PRELID2: variants seen among roughly 807,000 people sequenced by gnomAD.
PRELID2 encodes the protein PRELI domain containing 2, also known as PRELI domain-containing protein 2.
A neutral mutation model predicts 28.4 loss-of-function variants in PRELID2; 25 were observed. The observed-to-expected ratio is 0.88, with a 90% CI of 0.64 to 1.23. The LOEUF is 1.23. PRELID2 is among the 50% of genes most tolerant of loss of function. The pLI, the probability that PRELID2 is intolerant of heterozygous loss-of-function variation, is 0.00. For missense variants in PRELID2, 201 were observed against 214.4 expected, an observed-to-expected ratio of 0.94 and a Z score of 0.39; for synonymous variants, 76 against 71.6, an observed-to-expected ratio of 1.06 and a Z score of -0.31.
the PRELID2 span, among the ~76,000 whole-genome samples, chr5:145,267,402 G>T: frequency 2.0e-5 from 3 of 152,196 alleles, no homozygotes; most frequent in Admixed American, 2.0e-4. Context: ...TTGACACTCA[G>T]TATTAACCAT....
the PRELID2 span, among the ~76,000 whole-genome samples, chr5:145,283,770 G>T: frequency 2.0e-5 from 3 of 152,274 alleles, no homozygotes; most frequent in East Asian, 3.9e-4. Context: ...ATCTCTTAAT[G>T]TTTGGCCAGC....
chr5:145,416,622 C>A, the PRELID2 span, among the ~76,000 whole-genome samples: 2 of 152,028 alleles, frequency 1.3e-5, no homozygotes, highest in Non-Finnish European at 2.9e-5. Context: ...GACAATGTAC[C>A]TGAATCTCTG....
At chr5:145,406,255 G>A in the PRELID2 span, among the ~76,000 whole-genome samples, 2 of 152,070 alleles carry the variant, frequency 1.3e-5, no homozygotes, top group African/African-American at 4.8e-5. Context: ...TATAACAGGT[G>A]GTAGTTTTGC....
At chr5:145,813,946 C>G (rs1479025247) in intron 4 of PRELID2, among the ~76,000 whole-genome samples, 2 of 152,198 alleles carry the variant, frequency 1.3e-5, no homozygotes, top group Non-Finnish European at 2.9e-5. Flanking sequence ...TAGAGACTTT[C>G]ACCACAACAC....
At chr5:145,723,282 C>G (rs1165825021) in intron 1 of PRELID2, among the ~76,000 whole-genome samples, 2 of 152,128 alleles carry the variant, frequency 1.3e-5, no homozygotes, top group African/African-American at 4.8e-5. Context: ...CACCATGATT[C>G]TGTAGCCACA....
At chr5:145,706,280 G>C (rs190625826) in intron 1 of PRELID2, among the ~76,000 whole-genome samples, 19 of 152,198 alleles carry the variant, frequency 1.2e-4, no homozygotes, top group Admixed American at 8.5e-4. Flanking sequence ...GCACAAAGCA[G>C]GAATACTGTC....
At chr5:145,701,711 G>A (rs543374870) in intron 1 of PRELID2, among the ~76,000 whole-genome samples, 5 of 152,304 alleles carry the variant, frequency 3.3e-5, no homozygotes, top group Admixed American at 2.6e-4. Context: ...ATTTCAGCTT[G>A]TATCACTTGG....
At chr5:145,341,410 T>C in the PRELID2 span, among the ~76,000 whole-genome samples, 4 of 152,070 alleles carry the variant, frequency 2.6e-5, no homozygotes, top group African/African-American at 9.7e-5. Context: ...AGATAGATTT[T>C]TTTTCTGTAA....
intron 1 of PRELID2, among the ~76,000 whole-genome samples, chr5:145,651,143 C>T (rs766487244): frequency 5.3e-5 from 8 of 152,274 alleles, no homozygotes; most frequent in South Asian, 2.1e-4. Flanking sequence ...CCCACGCCCA[C>T]GGAGCCTCAT....
chr5:145,239,053 G>A, the PRELID2 span, among the ~76,000 whole-genome samples: 2 of 151,982 alleles, frequency 1.3e-5, no homozygotes, highest in African/African-American at 4.8e-5. Flanking sequence ...TTAAACATCT[G>A]AAGCATTTTT....
the PRELID2 span, among the ~76,000 whole-genome samples, chr5:145,286,859 GC>G: frequency 1.3e-5 from 2 of 151,828 alleles, no homozygotes; most frequent in Non-Finnish European, 2.9e-5. Flanking sequence ...ACAGGCATGT[GC>G]CACAGCACCC....
the PRELID2 span, among the ~76,000 whole-genome samples, chr5:145,257,658 A>G: frequency 4.8e-3 from 731 of 152,340 alleles, 7 homozygotes; most frequent in African/African-American, 0.017. Flanking sequence ...TAACATGCAA[A>G]TATTAAGCAT....
At chr5:145,413,840 G>A in the PRELID2 span, among the ~76,000 whole-genome samples, 7 of 151,814 alleles carry the variant, frequency 4.6e-5, no homozygotes, top group East Asian at 1.9e-4. Context: ...CCTAATGACC[G>A]GCAGTTCCCT....
At chr5:145,736,316 T>C (rs1756494846) in intron 1 of PRELID2, among the ~76,000 whole-genome samples, 1 of 152,206 alleles carries the variant, frequency 6.6e-6, no homozygotes. Flanking sequence ...TTTGTCAGCC[T>C]GTCTTATTTA....
intron 1 of PRELID2, among the ~76,000 whole-genome samples, chr5:145,623,679 C>T (rs995635324): frequency 7.9e-5 from 12 of 152,146 alleles, no homozygotes; most frequent in African/African-American, 2.9e-4. Flanking sequence ...ATATCCACAC[C>T]TTGTGGATCA....
chr5:145,655,412 G>A (rs540103138), intron 1 of PRELID2, among the ~76,000 whole-genome samples: 24 of 152,152 alleles, frequency 1.6e-4, no homozygotes, highest in Non-Finnish European at 2.8e-4. Flanking sequence ...TAAAGTTCAT[G>A]TGGAACCAAA....
At chr5:145,297,704 G>C in the PRELID2 span, among the ~76,000 whole-genome samples, 5 of 152,010 alleles carry the variant, frequency 3.3e-5, no homozygotes, top group Non-Finnish European at 5.9e-5. Flanking sequence ...TGACATGATT[G>C]TATATCTAGA....
chr5:145,284,978 G>A, the PRELID2 span, among the ~76,000 whole-genome samples: 4 of 152,128 alleles, frequency 2.6e-5, no homozygotes, highest in African/African-American at 7.2e-5. Flanking sequence ...CAGGCACTGT[G>A]ACATGCATTT....
the PRELID2 span, among the ~76,000 whole-genome samples, chr5:145,394,445 A>T: frequency 1.0e-5 from 1 of 95,780 alleles, no homozygotes; most frequent in Admixed American, 1.2e-4. Flanking sequence ...GGGTCGGGGG[A>T]GGGGGAGGGA....
Sources: gnomAD v4.1 joint callset for allele counts (sites outside exome capture counted in the v4.1 genomes callset) on GRCh38, gnomAD v4.1.1 for gene constraint, MANE v1.5 for transcripts, NCBI Gene and HGNC (gene_info 2026-07-23, HGNC 2026-07-21) for gene names.